Variants in GPC6 observed in about 807,000 individuals in gnomAD.
GPC6 encodes glypican 6.
A neutral mutation model predicts 55.2 loss-of-function variants in GPC6; 14 were observed. That is an observed-to-expected ratio of 0.25 (90% CI 0.17 to 0.40). The LOEUF is 0.40. Ranked by LOEUF, GPC6 falls within the 10% of genes least tolerant of loss-of-function variation. The pLI, the probability that GPC6 is intolerant of heterozygous loss-of-function variation, is 1.00. For synonymous variants in GPC6, 278 were observed against 259.6 expected (o/e 1.07, Z -0.68); for missense variants, 641 against 708.5 (o/e 0.90, Z 1.08).
At chr13:94,083,837 T>A (rs1885192059) in intron 4 of GPC6, among the ~76,000 whole-genome samples, 1 of 152,226 alleles carries the variant, frequency 6.6e-6, no homozygotes, top group Non-Finnish European at 1.5e-5. Context: ...ACTTTTCTGA[T>A]AAAACACAGG....
At position 94,143,357 on chromosome 13, in the gene GPC6, C is replaced by T. The variant is rs147402638; in HGVS notation, c.877+115463C>T. On this transcript the variant is annotated intron_variant, in intron 4 of 8. Coordinates refer to ENST00000377047, the MANE Select transcript of GPC6 (RefSeq NM_005708.5). ...GGTTTTATTTCAGTTTTAATTCAGA[C>T]TTATTTGAAGGTTTTGACAGAGAGT... Among the ~76,000 whole-genome samples the T allele has an allele frequency of 2.2e-4, 33 of 152,120 alleles. No homozygotes were observed. The East Asian group carries it at 5.8e-3, about 27-fold the overall frequency.
intron 1 of GPC6, among the ~76,000 whole-genome samples, chr13:93,383,016 G>A (rs1875244741): frequency 1.3e-5 from 2 of 152,162 alleles, no homozygotes; most frequent in South Asian, 4.2e-4. Context: ...CATAATTGCG[G>A]TCTAGAGTCC....
intron 1 of GPC6, among the ~76,000 whole-genome samples, chr13:93,311,640 G>A (rs1243105481): frequency 6.6e-6 from 1 of 152,080 alleles, no homozygotes; most frequent in Non-Finnish European, 1.5e-5. Flanking sequence ...GTGATCCCTG[G>A]AACTTCATAG....
At chr13:93,578,643 GTT>G (rs113534301) in intron 2 of GPC6, among the ~76,000 whole-genome samples, 6 of 142,040 alleles carry the variant, frequency 4.2e-5, no homozygotes, top group African/African-American at 1.3e-4. Flanking sequence ...CATTTGTTTT[GTT>G]TTTTTTTTCC....
chr13:93,940,413 A>AATGG (rs141500976), intron 3 of GPC6, among the ~76,000 whole-genome samples: 3,548 of 150,030 alleles, frequency 0.024, 69 homozygotes, highest in East Asian at 0.076. Context: ...TGGATGGATG[A>AATGG]ATGGATGGAT....
At chr13:94,158,986 C>A (rs1407277709) in intron 4 of GPC6, among the ~76,000 whole-genome samples, 2 of 152,142 alleles carry the variant, frequency 1.3e-5, no homozygotes, top group African/African-American at 4.8e-5. Context: ...GTACCACAAC[C>A]CTTTCTCACT....
At chr13:94,176,158 A>G (rs1477245903) in intron 4 of GPC6, among the ~76,000 whole-genome samples, 2 of 152,082 alleles carry the variant, frequency 1.3e-5, no homozygotes, top group African/African-American at 4.8e-5. Flanking sequence ...AAGATAAGCA[A>G]TTAATCTCAT....
intron 1 of GPC6, among the ~76,000 whole-genome samples, chr13:93,476,450 C>T (rs1879305177): frequency 6.6e-6 from 1 of 152,098 alleles, no homozygotes; most frequent in South Asian, 2.1e-4. Context: ...TGAAAAGTTG[C>T]CCAACTTGTT....
At chr13:94,296,182 G>T (rs146387023) in intron 5 of GPC6, among the ~76,000 whole-genome samples, 12 of 152,144 alleles carry the variant, frequency 7.9e-5, no homozygotes, top group Non-Finnish European at 1.3e-4. Context: ...CATCCAGCGC[G>T]AACTAGTTTT....
chr13:94,243,771 G>A (rs1372891156), intron 4 of GPC6, among the ~76,000 whole-genome samples: 1 of 151,956 alleles, frequency 6.6e-6, no homozygotes, highest in East Asian at 1.9e-4. Flanking sequence ...AACTATTTTT[G>A]GTTCATCATT....
chr13:93,364,498 A>C (rs9524019), intron 1 of GPC6, among the ~76,000 whole-genome samples: 60,246 of 151,854 alleles, frequency 0.4, 15,401 homozygotes, highest in Non-Finnish European at 0.58. Flanking sequence ...CGTTGATGCT[A>C]TATGTTGCTG....
chr13:93,966,672 A>C (rs1249793092), intron 3 of GPC6, among the ~76,000 whole-genome samples: 41 of 21,116 alleles, frequency 1.9e-3, no homozygotes, highest in Middle Eastern at 0.026. Flanking sequence ...TTTTTTTTTG[A>C]GATGTGGTCT....
intron 5 of GPC6, among the ~76,000 whole-genome samples, chr13:94,300,135 A>T (rs1875565453): frequency 6.6e-6 from 1 of 152,158 alleles, no homozygotes; most frequent in African/African-American, 2.4e-5. Context: ...AAACCTGCTG[A>T]GTAGAAAGTG....
chr13:93,857,021 G>A (rs1888641860), intron 3 of GPC6, among the ~76,000 whole-genome samples: 1 of 151,546 alleles, frequency 6.6e-6, no homozygotes, highest in Non-Finnish European at 1.5e-5. Flanking sequence ...ATATTAAAAT[G>A]GCAATACAAT....
chr13:94,379,652 T>C (rs1880068834), intron 6 of GPC6, among the ~76,000 whole-genome samples: 1 of 152,132 alleles, frequency 6.6e-6, no homozygotes, highest in African/African-American at 2.4e-5. Context: ...TTAACCAACA[T>C]TTATTGAGCA....
chr13:94,191,390 G>A (rs969365446), intron 4 of GPC6, among the ~76,000 whole-genome samples: 1 of 152,258 alleles, frequency 6.6e-6, no homozygotes, highest in African/African-American at 2.4e-5. Context: ...GGCTTTAAAT[G>A]TCTTGAGCCA....
At chr13:93,333,181 T>C (rs1879914522) in intron 1 of GPC6, among the ~76,000 whole-genome samples, 1 of 152,204 alleles carries the variant, frequency 6.6e-6, no homozygotes, top group Non-Finnish European at 1.5e-5. Flanking sequence ...CTATTTGAAG[T>C]CTTATGATTC....
intron 4 of GPC6, among the ~76,000 whole-genome samples, chr13:94,281,311 A>C (rs543022015): frequency 2.8e-4 from 42 of 152,214 alleles, no homozygotes; most frequent in South Asian, 2.5e-3. Flanking sequence ...TAAGCTCCAC[A>C]TGCATTACGT....
At chr13:94,045,438 A>G (rs1378665695) in intron 4 of GPC6, among the ~76,000 whole-genome samples, 1 of 151,930 alleles carries the variant, frequency 6.6e-6, no homozygotes, top group Non-Finnish European at 1.5e-5. Flanking sequence ...TAAGATGATC[A>G]AGTGTTTGCA....
Sources: gnomAD v4.1 joint callset for allele counts (sites outside exome capture counted in the v4.1 genomes callset) on GRCh38, gnomAD v4.1.1 for gene constraint, MANE v1.5 for transcripts, NCBI Gene and HGNC (gene_info 2026-07-23, HGNC 2026-07-21) for gene names.